The following SULF1 variants were observed in gnomAD, a reference collection of about 807,000 sequenced individuals.
The protein encoded by SULF1 is extracellular sulfatase Sulf-1.
SULF1 carries 46 observed loss-of-function variants against 110.5 expected under a neutral mutation model. The observed-to-expected ratio is 0.42, with a 90% CI of 0.33 to 0.53. The LOEUF is 0.53. Ranked by LOEUF, SULF1 falls within the 20% of genes least tolerant of loss-of-function variation. The pLI is 0.12. For missense variants in SULF1, 941 were observed against 1,094.2 expected (o/e 0.86, Z 1.98); for synonymous variants, 371 against 387.1 (o/e 0.96, Z 0.49).
At chr8:69,582,705 A>C (rs999748512) in intron 6 of SULF1, among the ~76,000 whole-genome samples, 1 of 143,158 alleles carries the variant, frequency 7.0e-6, no homozygotes, top group South Asian at 2.3e-4. Flanking sequence ...AAAAAAAAAA[A>C]GGAAAGAAAA....
chr8:69,526,611 A>AAGAAAG (rs1358382423), intron 3 of SULF1, among the ~76,000 whole-genome samples: 2 of 135,988 alleles, frequency 1.5e-5, no homozygotes, highest in African/African-American at 6.2e-5. Flanking sequence ...AAAAAAAAAA[A>AAGAAAG]AAAGAAAGAA....
intron 6 of SULF1, among the ~76,000 whole-genome samples, chr8:69,585,246 A>G (rs73683991): frequency 0.083 from 12,648 of 152,016 alleles, 1,154 homozygotes; most frequent in African/African-American, 0.18. Context: ...AGCCCTTTCT[A>G]CTTGAAGGGA....
intron 13 of SULF1, among the ~76,000 whole-genome samples, chr8:69,615,001 T>A (rs1808976181): frequency 6.6e-6 from 1 of 152,152 alleles, no homozygotes; most frequent in South Asian, 2.1e-4. Context: ...ATGGAGACAA[T>A]CGGATTTGGC....
chr8:69,590,072 C>A (rs1003495622), intron 8 of SULF1, among the ~76,000 whole-genome samples: 5 of 152,160 alleles, frequency 3.3e-5, no homozygotes, highest in African/African-American at 1.2e-4. Flanking sequence ...AGCCAAGATT[C>A]CAGGCAGAAA....
At chr8:69,608,898 G>A (rs60944432) in intron 13 of SULF1, among the ~76,000 whole-genome samples, 3,763 of 152,042 alleles carry the variant, frequency 0.025, 82 homozygotes, top group African/African-American at 0.064. Flanking sequence ...CCCCGGACAC[G>A]TTTATGTACA....
intron 3 of SULF1, among the ~76,000 whole-genome samples, chr8:69,553,302 T>A (rs754278969): frequency 1.3e-5 from 2 of 152,238 alleles, no homozygotes; most frequent in African/African-American, 4.8e-5. Flanking sequence ...ATGCAAGAGA[T>A]CTTGATATGG....
At chr8:69,488,889 C>T (rs1809804252), upstream of SULF1, among the ~76,000 whole-genome samples, 1 of 152,090 alleles carries the variant, frequency 6.6e-6, no homozygotes, top group African/African-American at 2.4e-5. Context: ...GAATGCGGTG[C>T]CCTGAGGCTC....
chr8:69,556,605 A>ATT (rs1346445797), intron 3 of SULF1, among the ~76,000 whole-genome samples: 2 of 152,234 alleles, frequency 1.3e-5, no homozygotes, highest in African/African-American at 4.8e-5. Flanking sequence ...CTTCAGTACA[A>ATT]ATAAGCCATA....
At chr8:69,503,506 A>G (rs1030184416) in intron 3 of SULF1, among the ~76,000 whole-genome samples, 1 of 152,216 alleles carries the variant, frequency 6.6e-6, no homozygotes, top group Admixed American at 6.5e-5. Context: ...TTGAATAACT[A>G]ATAAGTTCAA....
At chr8:69,607,748 G>A (rs901413825) in intron 13 of SULF1, among the ~76,000 whole-genome samples, 3 of 152,124 alleles carry the variant, frequency 2.0e-5, no homozygotes, top group Admixed American at 6.6e-5. Context: ...TGTTTTTGGC[G>A]ACAGTATCCC....
intron 3 of SULF1, among the ~76,000 whole-genome samples, chr8:69,543,687 C>A (rs138647535): frequency 3.3e-5 from 5 of 152,304 alleles, no homozygotes; most frequent in African/African-American, 1.2e-4. Context: ...CATCTGTGTT[C>A]AATACCTTTA....
At chr8:69,606,683 T>C (rs2130436436) in intron 13 of SULF1, among the ~76,000 whole-genome samples, 1 of 152,334 alleles carries the variant, frequency 6.6e-6, no homozygotes, top group African/African-American at 2.4e-5. Context: ...CAGATTATGG[T>C]ACTTTGGCAC....
chr8:69,645,273 T>C (rs1811807788), intron 22 of SULF1, among the ~76,000 whole-genome samples: 1 of 152,188 alleles, frequency 6.6e-6, no homozygotes, highest in African/African-American at 2.4e-5. Flanking sequence ...ATCATTTTTC[T>C]TACCTTTCCA....
At chr8:69,576,262 A>C in intron 6 of SULF1, 53 bp downstream of exon 6, 1 of 1,556,318 alleles carries the variant, frequency 6.4e-7, no homozygotes, top group Non-Finnish European at 8.7e-7. Context: ...TCTTAGACTC[A>C]GGAAGAAGTG....
At chr8:69,648,426 A>G (rs1193033618) in intron 22 of SULF1, among the ~76,000 whole-genome samples, 1 of 152,224 alleles carries the variant, frequency 6.6e-6, no homozygotes, top group East Asian at 1.9e-4. Context: ...GCTACTGAGC[A>G]CAGGTACCCA....
upstream of SULF1, among the ~76,000 whole-genome samples, chr8:69,490,597 G>A (rs575060798): frequency 2.6e-5 from 4 of 152,060 alleles, no homozygotes; most frequent in Admixed American, 1.3e-4. Context: ...CACTGCCAAG[G>A]TTCCTGAAGT....
intron 22 of SULF1, among the ~76,000 whole-genome samples, chr8:69,643,414 T>TAAAAAAAAAAA (rs77783841): frequency 7.6e-6 from 1 of 131,032 alleles, no homozygotes. Flanking sequence ...TTTAGAAAAC[T>TAAAAAAAAAAA]AAAAAAAAAA....
chr8:69,543,622 A>G (rs1814015874), intron 3 of SULF1, among the ~76,000 whole-genome samples: 1 of 152,100 alleles, frequency 6.6e-6, no homozygotes, highest in Non-Finnish European at 1.5e-5. Flanking sequence ...CCAGTCTATC[A>G]CTGATGGGCA....
At chr8:69,564,195 T>TTC in intron 5 of SULF1, 48 bp downstream of exon 5, 2 of 1,598,854 alleles carry the variant, frequency 1.3e-6, no homozygotes, top group Non-Finnish European at 1.7e-6. Flanking sequence ...TTCAGATGAT[T>TTC]TCTCGAGTCT....
Sources: gnomAD v4.1 joint callset for allele counts (sites outside exome capture counted in the v4.1 genomes callset) on GRCh38, gnomAD v4.1.1 for gene constraint, MANE v1.5 for transcripts, NCBI Gene and HGNC (gene_info 2026-07-23, HGNC 2026-07-21) for gene names.